SCN11A: variants seen among roughly 807,000 people sequenced by gnomAD.
SCN11A encodes the protein sodium voltage-gated channel alpha subunit 11.
Under a neutral mutation model 162.2 loss-of-function variants are expected in SCN11A, and 122 were observed. The ratio of observed to expected loss-of-function variants is 0.75; its 90% CI spans 0.65 to 0.87. SCN11A has a LOEUF of 0.87. SCN11A is among the 40% of genes least tolerant of loss of function. The probability of loss-of-function intolerance (pLI) is 0.00; values close to 1 mark genes in which losing one functional copy is unlikely to be tolerated. For missense variants in SCN11A, 2,015 were observed against 2,181.6 expected (o/e 0.92, Z 1.52); for synonymous variants, 758 against 751.5 (o/e 1.01, Z -0.14).
intron 2 of SCN11A, among the ~76,000 whole-genome samples, chr3:38,975,082 GA>G (rs1292170196): frequency 1.3e-5 from 2 of 148,718 alleles, no homozygotes; most frequent in African/African-American, 4.9e-5. Flanking sequence ...ATATTGAGAG[GA>G]AAAAACCCAA....
chr3:38,954,130 A>G (rs975142950), intron 3 of SCN11A, among the ~76,000 whole-genome samples: 1 of 152,214 alleles, frequency 6.6e-6, no homozygotes, highest in Non-Finnish European at 1.5e-5. Context: ...CTGTAGATTC[A>G]TCACTGTCTG....
chr3:38,856,011 G>A (rs151316226), intron 28 of SCN11A, among the ~76,000 whole-genome samples: 6 of 152,182 alleles, frequency 3.9e-5, no homozygotes, highest in Non-Finnish European at 8.8e-5. Context: ...CCTAGGGAAG[G>A]GGGAGTGCAC....
chr3:38,988,265 C>T (rs917928707), intron 2 of SCN11A, among the ~76,000 whole-genome samples: 7 of 152,046 alleles, frequency 4.6e-5, no homozygotes, highest in African/African-American at 1.7e-4. Context: ...CCTCTCTAGC[C>T]CTGGGCTGAG....
Position 38,899,907 on chromosome 3 carries a change from C to G in SCN11A, c.2009G>C (p.Arg670Pro). 6.2e-7 allele frequency: 1 copy of G among 1,613,618 alleles called. No homozygotes were observed. ...VLQKRSWPFL[R>P]SFRVLRVFKL... ...AAAGTGCCTTACCACTCTGAAGGAA[C>G]GCAAGAATGGCCAGCTTCTCTTTTG... is the stretch of plus-strand genomic sequence containing the variant. Residue 670 changes from arginine to proline, a missense_variant, in exon 17 of 30, where the codon CGT becomes CCT. By Grantham distance (103) the Arg-to-Pro change is moderately radical. Coordinates refer to ENST00000302328, the MANE Select transcript of SCN11A (RefSeq NM_001349253.2).
chr3:38,856,077 C>T (rs533882036), intron 28 of SCN11A, among the ~76,000 whole-genome samples: 4 of 152,326 alleles, frequency 2.6e-5, no homozygotes, highest in African/African-American at 9.6e-5. Flanking sequence ...GTCTTGAGTT[C>T]CAGATCTTTC....
At chr3:38,867,298 A>G in intron 27 of SCN11A, 23 bp downstream of exon 27, 1 of 1,604,316 alleles carries the variant, frequency 6.2e-7, no homozygotes, top group East Asian at 2.2e-5. Context: ...AAATTACCAA[A>G]TCAAGACAAC....
intron 28 of SCN11A, 66 bp from the exon 29 acceptor site, chr3:38,850,817 A>G: frequency 7.6e-7 from 1 of 1,316,444 alleles, no homozygotes; most frequent in Non-Finnish European, 1.0e-6. Context: ...AATAAAAAGA[A>G]CATAAATACA....
intron 28 of SCN11A, among the ~76,000 whole-genome samples, chr3:38,862,139 C>T (rs1241595629): frequency 2.0e-5 from 3 of 152,036 alleles, no homozygotes; most frequent in East Asian, 1.9e-4. Context: ...AAAAAAAATG[C>T]TCAACATCAC....
At chr3:38,849,311 G>A (rs2064736418) in intron 29 of SCN11A, 1 of 116,742 alleles carries the variant, frequency 8.6e-6, no homozygotes, top group Non-Finnish European at 1.6e-5. Flanking sequence ...CAAGACTTGT[G>A]ATTGGAATTG....
chr3:39,038,432 T>C (rs1472225796), intron 1 of SCN11A, among the ~76,000 whole-genome samples: 1 of 152,200 alleles, frequency 6.6e-6, no homozygotes, highest in African/African-American at 2.4e-5. Flanking sequence ...GCTCAGATGA[T>C]AAACAGCAGA....
intron 28 of SCN11A, among the ~76,000 whole-genome samples, chr3:38,861,943 T>A (rs2064970732): frequency 6.6e-6 from 1 of 151,762 alleles, no homozygotes; most frequent in South Asian, 2.1e-4. Context: ...ATCAGCAGAG[T>A]AAAGAGACAA....
intron 2 of SCN11A, among the ~76,000 whole-genome samples, chr3:38,993,392 G>T (rs1034338543): frequency 6.6e-6 from 1 of 152,158 alleles, no homozygotes; most frequent in East Asian, 1.9e-4. Context: ...CACTCTCCTC[G>T]GCCAGGTTAT....
intron 2 of SCN11A, among the ~76,000 whole-genome samples, chr3:39,010,480 G>C (rs541167007): frequency 6.6e-6 from 1 of 150,742 alleles, no homozygotes; most frequent in Non-Finnish European, 1.5e-5. Context: ...ATGGGTTCAC[G>C]CCATTCTCCT....
intron 7 of SCN11A, among the ~76,000 whole-genome samples, chr3:38,939,394 A>T (rs1483126903): frequency 6.6e-6 from 1 of 152,162 alleles, no homozygotes; most frequent in Non-Finnish European, 1.5e-5. Context: ...CATATGAACA[A>T]AATGATAAAT....
chr3:39,041,607 C>A (rs1007354076), intron 1 of SCN11A, among the ~76,000 whole-genome samples: 1 of 152,134 alleles, frequency 6.6e-6, no homozygotes, highest in Non-Finnish European at 1.5e-5. Flanking sequence ...CCCAATAAAA[C>A]TGCCCTTCAG....
intron 19 of SCN11A, among the ~76,000 whole-genome samples, chr3:38,891,877 C>A (rs2065505828): frequency 2.0e-5 from 3 of 152,250 alleles, no homozygotes; most frequent in African/African-American, 7.2e-5. Context: ...AATTCTCCAA[C>A]ATATAAACTT....
At chr3:38,854,759 C>G (rs1234171660) in intron 28 of SCN11A, among the ~76,000 whole-genome samples, 6 of 152,184 alleles carry the variant, frequency 3.9e-5, no homozygotes, top group African/African-American at 1.4e-4. Context: ...AAGGTTGTAA[C>G]CTTACCTAGA....
In SCN11A at chr3:38,898,362, T is replaced by C. The variant is rs544744089; in HGVS notation, c.2023-1137A>G. 1.2e-4 allele frequency among the ~76,000 whole-genome samples: 19 copies of C among 152,370 alleles called. No individual in the cohort carries two copies. In the East Asian group the frequency reaches 2.9e-3, roughly 23 times the overall value. ...AGCCATGCTCACTGGTTTTTGAAAG[T>C]CTATGGCTTCTTTTGTGCTACAATG... is the stretch of plus-strand genomic sequence containing the variant. On this transcript the variant is annotated intron_variant, in intron 17 of 29. Coordinates refer to ENST00000302328, the MANE Select transcript of SCN11A (RefSeq NM_001349253.2).
At position 38,871,609 on chromosome 3, in the gene SCN11A, A is replaced by T; in HGVS notation, c.3595T>A (p.Phe1199Ile). 1.9e-6 allele frequency: 3 copies of T among 1,612,976 alleles called. No homozygotes were observed. Among genetic ancestry groups the T allele is most frequent in the South Asian group, 2.2e-5 (2 of 91,032 alleles). Residue 1199 changes from phenylalanine to isoleucine, a missense_variant, in exon 25 of 30, where the codon TTC becomes ATC. Physicochemically the swap from Phe to Ile is conservative, Grantham distance 21. Coordinates refer to ENST00000302328, the MANE Select transcript of SCN11A (RefSeq NM_001349253.2). ...CATTTCCCAAATTTTCCAGAAAAGA[A>T]GTATACTCCCAGAATACAAAATACG... ...WLVFCILGVY[F>I]FSGKFGKCIN...
Sources: gnomAD v4.1 joint callset for allele counts (sites outside exome capture counted in the v4.1 genomes callset) on GRCh38, gnomAD v4.1.1 for gene constraint, MANE v1.5 for transcripts, NCBI Gene and HGNC (gene_info 2026-07-23, HGNC 2026-07-21) for gene names.